MND1: variants seen among roughly 807,000 people sequenced by gnomAD.
MND1 encodes the protein meiotic nuclear division protein 1 homolog.
MND1 carries 28 observed loss-of-function variants against 35.1 expected under a neutral mutation model. The ratio of observed to expected loss-of-function variants is 0.80; its 90% CI spans 0.59 to 1.09. The LOEUF (loss-of-function observed/expected upper bound fraction) is 1.09, where lower values mean the gene tolerates loss of function less well. Among genes scored for constraint, MND1 ranks in the 50% least tolerant of loss-of-function variants. The probability of loss-of-function intolerance (pLI) is 0.00; values close to 1 mark genes in which losing one functional copy is unlikely to be tolerated. For synonymous variants in MND1, 69 were observed against 70.5 expected (o/e 0.98, Z 0.11); for missense variants, 213 against 239.6 (o/e 0.89, Z 0.73).
chr4:153,387,247 CCACGGGAATTTTT>C (rs1376383982), intron 4 of MND1, among the ~76,000 whole-genome samples: 1 of 151,912 alleles, frequency 6.6e-6, no homozygotes, highest in Non-Finnish European at 1.5e-5. Context: ...CAGTTGTATC[CCACGGGAATTTTT>C]CATTAAAAAT....
intron 1 of MND1, chr4:153,345,425 GT>G: frequency 3.0e-6 from 3 of 985,534 alleles, no homozygotes; most frequent in Non-Finnish European, 3.6e-6. Context: ...GGTGCTGCTG[GT>G]TGTGTAGGGC....
intron 4 of MND1, among the ~76,000 whole-genome samples, chr4:153,375,331 C>T (rs190324983): frequency 4.5e-4 from 68 of 152,184 alleles, no homozygotes; most frequent in Admixed American, 1.4e-3. Flanking sequence ...GCATGAAGTA[C>T]GTATTGCTGC....
intron 1 of MND1, among the ~76,000 whole-genome samples, chr4:153,349,098 T>C (rs1429390115): frequency 2.7e-5 from 4 of 149,120 alleles, no homozygotes; most frequent in African/African-American, 1.0e-4. Flanking sequence ...CTCACTCTTT[T>C]TTTTTTTTTT....
chr4:153,411,632 G>A (rs34712604), intron 7 of MND1, among the ~76,000 whole-genome samples: 1 of 152,012 alleles, frequency 6.6e-6, no homozygotes, highest in Non-Finnish European at 1.5e-5. Flanking sequence ...CTATGAATCA[G>A]GAAATCCTTC....
rs373607893 is a variant in MND1, at chr4:153,381,558, AATTG to A, written c.277-12703_277-12700del. 4.1e-3 allele frequency among the ~76,000 whole-genome samples: 610 copies of A among 147,314 alleles called. 9 individuals are homozygous for A. The highest frequency in any genetic ancestry group is 0.015 in the African/African-American group (580 of 39,428). On this transcript the variant is annotated intron_variant, in intron 4 of 7. Coordinates refer to ENST00000240488, the MANE Select transcript of MND1 (RefSeq NM_032117.4). ...CTTTCCTGAAATAGCCTTAATTTCAAATTGTTTGGGCTGTTTTGCTGCCCCCAAA... is the reference window on the plus strand; with the variant it reads ...CTTTCCTGAAATAGCCTTAATTTCAATTTGGGCTGTTTTGCTGCCCCCAAA...
chr4:153,387,986 A>AT (rs1023889110), intron 4 of MND1, among the ~76,000 whole-genome samples: 1 of 151,982 alleles, frequency 6.6e-6, no homozygotes, highest in African/African-American at 2.4e-5. Context: ...ATGCTTCGAC[A>AT]TTTTTTTAAT....
chr4:153,363,290 C>T (rs1002700305), intron 4 of MND1, among the ~76,000 whole-genome samples: 6 of 151,648 alleles, frequency 4.0e-5, no homozygotes, highest in African/African-American at 1.5e-4. Flanking sequence ...CAGTTCACTG[C>T]AACCTCTGTC....
chr4:153,381,711 T>A (rs1295940554), intron 4 of MND1: 34 of 71,266 alleles, frequency 4.8e-4, no homozygotes, highest in African/African-American at 1.9e-3. Flanking sequence ...TTTTTTTTTT[T>A]TTTTTTTTTT....
intron 4 of MND1, among the ~76,000 whole-genome samples, chr4:153,376,073 A>G (rs1561065685): frequency 6.6e-6 from 1 of 152,198 alleles, no homozygotes; most frequent in Non-Finnish European, 1.5e-5. Context: ...TGAAGCAGCT[A>G]TTTTGGCTCG....
chr4:153,380,544 C>T (rs1728647486), intron 4 of MND1, among the ~76,000 whole-genome samples: 1 of 152,174 alleles, frequency 6.6e-6, no homozygotes, highest in Admixed American at 6.5e-5. Context: ...AAAATTCATG[C>T]TCTGGGAAGG....
At chr4:153,378,225 C>G (rs1728565813) in intron 4 of MND1, among the ~76,000 whole-genome samples, 1 of 152,214 alleles carries the variant, frequency 6.6e-6, no homozygotes, top group Non-Finnish European at 1.5e-5. Context: ...TCTACACATA[C>G]AGCAGAAAAG....
chr4:153,356,917 G>A (rs1249196218), intron 3 of MND1, among the ~76,000 whole-genome samples: 1 of 152,068 alleles, frequency 6.6e-6, no homozygotes, highest in African/African-American at 2.4e-5. Context: ...CTGTCTCCCG[G>A]GTTCAAGCGA....
chr4:153,414,206 G>C (rs985762393), intron 7 of MND1, among the ~76,000 whole-genome samples: 3 of 152,092 alleles, frequency 2.0e-5, no homozygotes, highest in African/African-American at 7.2e-5. Flanking sequence ...TTATTCTTAA[G>C]TCTGGTATTT....
At position 153,394,276 on chromosome 4, in the gene MND1, T is replaced by G. The variant is rs1248363955; in HGVS notation, c.291T>G (p.Ser97Arg). 1 of 1,612,330 alleles carries G rather than the reference T, an allele frequency of 6.2e-7. No homozygotes were observed. Among genetic ancestry groups the G allele is most frequent in the Non-Finnish European group, 8.5e-7 (1 of 1,178,964 alleles). ...EVLESQLSEG[S>R]QKHASLQKSI... ...TGATTCTCTAGTTGTCTGAGGGAAG[T>G]CAAAAGCATGCAAGCCTACAGAAAA... Residue 97 changes from serine to arginine, a missense_variant, in exon 5 of 8, where the codon AGT becomes AGG. Ser to Arg is a moderately radical substitution (Grantham distance 110). Transcript: ENST00000240488.
At chr4:153,387,257 T>G (rs1728895047) in intron 4 of MND1, among the ~76,000 whole-genome samples, 1 of 152,176 alleles carries the variant, frequency 6.6e-6, no homozygotes, top group East Asian at 1.9e-4. Flanking sequence ...CCACGGGAAT[T>G]TTTCATTAAA....
chr4:153,383,678 A>C (rs1728771177), intron 4 of MND1, among the ~76,000 whole-genome samples: 1 of 151,938 alleles, frequency 6.6e-6, no homozygotes, highest in South Asian at 2.1e-4. Context: ...CTCCTGAAGC[A>C]CTCTCCATCA....
chr4:153,376,948 T>G (rs1383983967), intron 4 of MND1, among the ~76,000 whole-genome samples: 1 of 152,214 alleles, frequency 6.6e-6, no homozygotes, highest in East Asian at 1.9e-4. Flanking sequence ...GAAGTTATTC[T>G]TAACAAAAAC....
intron 4 of MND1, among the ~76,000 whole-genome samples, chr4:153,376,521 G>A (rs1728514932): frequency 6.6e-6 from 1 of 152,056 alleles, no homozygotes; most frequent in Admixed American, 6.5e-5. Context: ...TGTGTTAGTG[G>A]ACATAGCATG....
intron 4 of MND1, among the ~76,000 whole-genome samples, chr4:153,394,023 G>A (rs1003991564): frequency 1.4e-5 from 2 of 137,936 alleles, no homozygotes; most frequent in South Asian, 2.4e-4. Flanking sequence ...TCAGCCTCTC[G>A]AGTAGCGGGG....
Sources: allele counts gnomAD v4.1 joint callset (sites outside exome capture counted in the v4.1 genomes callset), GRCh38; gene constraint gnomAD v4.1.1; transcripts MANE v1.5; gene names NCBI Gene and HGNC (gene_info 2026-07-23, HGNC 2026-07-21).